Variants in DENND1B observed in about 807,000 individuals in gnomAD.
DENND1B encodes the protein DENN domain-containing protein 1B.
Under a neutral mutation model 90.1 loss-of-function variants are expected in DENND1B, and 59 were observed. The observed-to-expected ratio is 0.65, with a 90% CI of 0.53 to 0.81. DENND1B has a LOEUF of 0.81. Ranked by LOEUF, DENND1B falls within the 40% of genes least tolerant of loss-of-function variation. DENND1B has a pLI of 0.00. For synonymous variants in DENND1B, 337 were observed against 324.6 expected, an observed-to-expected ratio of 1.04 and a Z score of -0.41; for missense variants, 862 against 912.6, an observed-to-expected ratio of 0.94 and a Z score of 0.71.
At position 197,753,869 on chromosome 1, in the gene DENND1B, G is replaced by A. The variant is rs545035349; in HGVS notation, c.82+18999C>T. The stretch of plus-strand genomic sequence containing the variant: ...TACAAAAAAAACTGGGTGTGGTGGC[G>A]CACATCTGTAGTCCCAGCTACTCAG... On this transcript the variant is annotated intron_variant, in intron 2 of 22. Coordinates refer to ENST00000620048, the MANE Select transcript of DENND1B (RefSeq NM_001195215.2). 1.1e-4 allele frequency among the ~76,000 whole-genome samples: 17 copies of A among 151,338 alleles called. No homozygotes were observed. The South Asian group carries it at 1.9e-3, about 17-fold the overall frequency.
intron 18 of DENND1B, among the ~76,000 whole-genome samples, chr1:197,542,783 T>G (rs950351181): frequency 2.3e-4 from 35 of 152,092 alleles, no homozygotes; most frequent in African/African-American, 4.8e-5. Context: ...ATGACTGACT[T>G]ACCTGCCCCA....
Position 197,512,813 on chromosome 1 carries a change from C to T in DENND1B, c.1598+58G>A, listed in dbSNP as rs1668122707. On this transcript the variant is annotated intron_variant, in intron 21 of 22. Coordinates refer to ENST00000620048, the MANE Select transcript of DENND1B (RefSeq NM_001195215.2). Reference sequence around the variant, plus strand: ...TACTCTTTGAAATACCCTTTATCACCAAAAACTTCTGCTGTTAAGCCATTC... The same window carrying T: ...TACTCTTTGAAATACCCTTTATCACTAAAAACTTCTGCTGTTAAGCCATTC... 4.6e-6 allele frequency: 7 copies of T among 1,531,062 alleles called. No homozygotes were observed. The East Asian group carries it at 1.6e-4, about 35-fold the overall frequency. 94.8% of individuals were successfully genotyped at this position (1,531,062 alleles called of 1,614,324 possible).
intron 2 of DENND1B, among the ~76,000 whole-genome samples, chr1:197,743,560 G>C (rs1328520946): frequency 6.6e-6 from 1 of 152,164 alleles, no homozygotes; most frequent in Non-Finnish European, 1.5e-5. Flanking sequence ...GATGGCTGTG[G>C]AATTTCTTAA....
intron 20 of DENND1B, among the ~76,000 whole-genome samples, chr1:197,513,471 G>C (rs1668178778): frequency 6.7e-6 from 1 of 150,048 alleles, no homozygotes; most frequent in Non-Finnish European, 1.5e-5. Flanking sequence ...TTCTGAGTCT[G>C]AATTTCTGCA....
At chr1:197,642,110 A>G (rs1054918023) in intron 10 of DENND1B, among the ~76,000 whole-genome samples, 2 of 152,162 alleles carry the variant, frequency 1.3e-5, no homozygotes, top group Admixed American at 6.5e-5. Flanking sequence ...CTATGACCCA[A>G]GAAAAATCTT....
chr1:197,587,530 T>A (rs1320223840), intron 14 of DENND1B, among the ~76,000 whole-genome samples: 1 of 152,126 alleles, frequency 6.6e-6, no homozygotes, highest in South Asian at 2.1e-4. Context: ...AGAAACAGAT[T>A]TTCTTAGGGA....
intron 2 of DENND1B, among the ~76,000 whole-genome samples, chr1:197,744,507 T>C (rs1276209449): frequency 1.3e-5 from 2 of 152,236 alleles, no homozygotes; most frequent in Non-Finnish European, 2.9e-5. Context: ...GAAATCTTTT[T>C]TTCTAAGCAG....
chr1:197,613,314 A>C (rs1024295233), intron 11 of DENND1B, among the ~76,000 whole-genome samples: 3 of 150,830 alleles, frequency 2.0e-5, no homozygotes, highest in Non-Finnish European at 4.5e-5. Context: ...ATAAGTGTTA[A>C]AGTTCTTATT....
intron 3 of DENND1B, among the ~76,000 whole-genome samples, chr1:197,694,798 A>G (rs1572359604): frequency 6.6e-6 from 1 of 151,316 alleles, no homozygotes; most frequent in Non-Finnish European, 1.5e-5. Flanking sequence ...TGTAAATTTC[A>G]CTGCCATAAA....
chr1:197,780,230 G>T (rs1657392596), upstream of DENND1B, among the ~76,000 whole-genome samples: 2 of 152,120 alleles, frequency 1.3e-5, no homozygotes, highest in Non-Finnish European at 2.9e-5. Flanking sequence ...ACATTAGGAA[G>T]GGTCTGAAGA....
intron 10 of DENND1B, among the ~76,000 whole-genome samples, chr1:197,633,802 T>C (rs1679545112): frequency 6.6e-6 from 1 of 152,292 alleles, no homozygotes; most frequent in Admixed American, 6.5e-5. Context: ...TTTCCAACAG[T>C]ACCAAGTGGC....
chr1:197,726,203 T>A (rs1384694891), intron 2 of DENND1B, among the ~76,000 whole-genome samples: 1 of 152,052 alleles, frequency 6.6e-6, no homozygotes, highest in Admixed American at 6.6e-5. Context: ...TAGATTATAG[T>A]GGGTGTTTTA....
At chr1:197,775,945 C>T (rs1038818956), upstream of DENND1B, among the ~76,000 whole-genome samples, 1 of 152,164 alleles carries the variant, frequency 6.6e-6, no homozygotes, top group African/African-American at 2.4e-5. Flanking sequence ...CAGAGCTACC[C>T]CCTCCTGATT....
At chr1:197,607,033 A>C in intron 13 of DENND1B, 40 bp downstream of exon 13, 1 of 1,456,182 alleles carries the variant, frequency 6.9e-7, no homozygotes, top group Non-Finnish European at 9.6e-7. Flanking sequence ...GGTCCAGGAG[A>C]AAACATATAT....
chr1:197,601,753 C>T (rs917595341), intron 13 of DENND1B, among the ~76,000 whole-genome samples: 5 of 151,506 alleles, frequency 3.3e-5, no homozygotes, highest in Non-Finnish European at 7.4e-5. Context: ...TGTGGGAAAG[C>T]CAGGTTCTCT....
chr1:197,642,548 C>T (rs562956073), intron 10 of DENND1B, among the ~76,000 whole-genome samples, 163 bp downstream of exon 10: 6 of 152,250 alleles, frequency 3.9e-5, no homozygotes, highest in African/African-American at 1.2e-4. Context: ...TCCTATAAAT[C>T]AGACTTTTGT....
At chr1:197,699,739 A>T (rs1048517668) in intron 3 of DENND1B, among the ~76,000 whole-genome samples, 7 of 152,144 alleles carry the variant, frequency 4.6e-5, no homozygotes, top group African/African-American at 1.7e-4. Context: ...TCAATGTGCA[A>T]ATATCACAAA....
chr1:197,513,793 C>A (rs1668204894), intron 20 of DENND1B, among the ~76,000 whole-genome samples: 1 of 151,382 alleles, frequency 6.6e-6, no homozygotes, highest in Non-Finnish European at 1.5e-5. Context: ...AGATATGTTT[C>A]TCAGGTCTCT....
chr1:197,530,247 A>G (rs970647668), intron 20 of DENND1B, among the ~76,000 whole-genome samples: 3 of 152,178 alleles, frequency 2.0e-5, no homozygotes, highest in African/African-American at 4.8e-5. Flanking sequence ...AAAACTTCAT[A>G]ATGTTTTACT....
Sources: gnomAD v4.1 joint callset for allele counts (sites outside exome capture counted in the v4.1 genomes callset) on GRCh38, gnomAD v4.1.1 for gene constraint, MANE v1.5 for transcripts, NCBI Gene and HGNC (gene_info 2026-07-23, HGNC 2026-07-21) for gene names.